THRB: variants seen among roughly 807,000 people sequenced by gnomAD.
THRB encodes the protein thyroid hormone receptor beta.
In THRB, 12 loss-of-function variants were observed where a neutral mutation model predicts 47.8. The observed-to-expected ratio is 0.25, with a 90% CI of 0.16 to 0.41. The LOEUF (loss-of-function observed/expected upper bound fraction) is 0.41. Among genes scored for constraint, THRB ranks in the 10% least tolerant of loss-of-function variants. THRB has a pLI of 1.00. For missense variants in THRB, 348 were observed against 589.2 expected, an observed-to-expected ratio of 0.59 and a Z score of 4.24; for synonymous variants, 218 against 212.2, an observed-to-expected ratio of 1.03 and a Z score of -0.24.
At chr3:24,323,497 A>AT (rs1351638344) in intron 2 of THRB, among the ~76,000 whole-genome samples, 2 of 152,216 alleles carry the variant, frequency 1.3e-5, no homozygotes, top group Non-Finnish European at 2.9e-5. Context: ...TAAAGTACAG[A>AT]TTCTGATTCA....
intron 1 of THRB, among the ~76,000 whole-genome samples, chr3:24,374,394 GT>G (rs1393839930): frequency 6.6e-6 from 1 of 152,020 alleles, no homozygotes; most frequent in Non-Finnish European, 1.5e-5. Flanking sequence ...GTCTATTACT[GT>G]TATGGTTTAA....
intron 4 of THRB, among the ~76,000 whole-genome samples, chr3:24,219,664 A>AT (rs1184127733): frequency 2.6e-5 from 4 of 152,300 alleles, no homozygotes; most frequent in East Asian, 3.9e-4. Context: ...AATATTTTAG[A>AT]TTTTTTTGTA....
At position 24,133,307 on chromosome 3, in the gene THRB, C is replaced by T; in HGVS notation, c.885+9G>A. 1 of 1,613,918 alleles carries T rather than the reference C, an allele frequency of 6.2e-7. No homozygotes were observed. Among genetic ancestry groups the T allele is most frequent in the South Asian group, 1.1e-5 (1 of 91,070 alleles). On this transcript the variant is annotated intron_variant, in intron 9 of 10. Transcript: ENST00000646209. ...AAGAATAATGCAGAAGGAAAAACAA[C>T]ATCCTCACCTCACAAAACATAGGCA...
chr3:24,309,852 T>A (rs59989414), intron 2 of THRB, among the ~76,000 whole-genome samples: 11,257 of 152,210 alleles, frequency 0.074, 419 homozygotes, highest in Non-Finnish European at 0.081. Context: ...ATACGTAGGA[T>A]GTATACCACT....
In THRB at chr3:24,438,536, T is replaced by TGTGTGTGTGC. The variant is rs966247174; in HGVS notation, c.-261+56115_-261+56116insGCACACACAC. Among the ~76,000 whole-genome samples the TGTGTGTGTGC allele has an allele frequency of 3.1e-3, 461 of 151,058 alleles. 3 individuals are homozygous for TGTGTGTGTGC. Among genetic ancestry groups the TGTGTGTGTGC allele is most frequent in the Non-Finnish European group, 4.9e-3 (331 of 67,626 alleles). On this transcript the variant is annotated intron_variant, in intron 1 of 10. Transcript: ENST00000646209. ...GTGTGTGTGTGTGTGTGTGTGTGTG[T>TGTGTGTGTGC]GCACATGCATTCTTTCTTTAAAGAA...
intron 3 of THRB, among the ~76,000 whole-genome samples, chr3:24,279,585 C>T (rs1208833219): frequency 1.4e-5 from 2 of 147,762 alleles, no homozygotes; most frequent in East Asian, 2.0e-4. Flanking sequence ...TTAGTAGAGA[C>T]GGGGTTTCAC....
At chr3:24,243,720 CTGT>C (rs2049821742) in intron 3 of THRB, among the ~76,000 whole-genome samples, 2 of 152,120 alleles carry the variant, frequency 1.3e-5, no homozygotes, top group Admixed American at 6.5e-5. Context: ...TTTGCTGCTG[CTGT>C]TGTTGACTGT....
chr3:24,275,045 C>G lies in THRB; in HGVS notation c.-43+22181G>C, dbSNP rs1311344866. ...AGAAAAATGAGAAAGAGCAAAGAAG[C>G]AAGTAAGCTTAGTTCTTGATTTACA... On this transcript the variant is annotated intron_variant, in intron 3 of 10. Transcript: ENST00000646209. Among the ~76,000 whole-genome samples, 4 of 152,206 alleles carry G rather than the reference C, an allele frequency of 2.6e-5. No individual in the cohort carries two copies. In the East Asian group the frequency reaches 7.7e-4, roughly 29 times the overall value.
At chr3:24,462,640 A>T (rs554317626) in intron 1 of THRB, among the ~76,000 whole-genome samples, 1 of 152,360 alleles carries the variant, frequency 6.6e-6, no homozygotes, top group East Asian at 1.9e-4. Context: ...GGCTCTGTGT[A>T]TAAAATGAAT....
chr3:24,362,729 C>T (rs2064162273), intron 1 of THRB, among the ~76,000 whole-genome samples: 1 of 152,160 alleles, frequency 6.6e-6, no homozygotes, highest in Admixed American at 6.5e-5. Flanking sequence ...TCACAACAAC[C>T]ATAAGAGATA....
At chr3:24,492,990 A>T (rs1205849495) in intron 1 of THRB, among the ~76,000 whole-genome samples, 1 of 152,236 alleles carries the variant, frequency 6.6e-6, no homozygotes, top group African/African-American at 2.4e-5. Flanking sequence ...CTCTGAGATC[A>T]GGTAAAAATA....
chr3:24,164,979 AAAAC>A (rs753914552), intron 5 of THRB: 1 of 685,908 alleles, frequency 1.5e-6, no homozygotes, highest in Non-Finnish European at 2.6e-6. Flanking sequence ...AAATGAAACG[AAAAC>A]AAACAGTGAA....
At chr3:24,403,629 G>A (rs1036634817) in intron 1 of THRB, among the ~76,000 whole-genome samples, 10 of 151,888 alleles carry the variant, frequency 6.6e-5, no homozygotes, top group African/African-American at 7.3e-5. Flanking sequence ...TATATGTCTC[G>A]CACCATACAA....
intron 2 of THRB, among the ~76,000 whole-genome samples, chr3:24,301,603 A>G (rs1425301318): frequency 6.6e-6 from 1 of 152,098 alleles, no homozygotes; most frequent in Non-Finnish European, 1.5e-5. Context: ...TTAGCTCTGT[A>G]TTGATTATAA....
intron 1 of THRB, among the ~76,000 whole-genome samples, chr3:24,372,905 A>G (rs932784121): frequency 6.6e-6 from 1 of 152,140 alleles, no homozygotes; most frequent in South Asian, 2.1e-4. Flanking sequence ...TAGAATATCA[A>G]AAGAGAGAAT....
chr3:24,127,904 C>T (rs1195201712), intron 9 of THRB, 147 bp from the exon 10 acceptor site: 1 of 952,862 alleles, frequency 1.0e-6, no homozygotes, highest in Non-Finnish European at 1.6e-6. Flanking sequence ...CCCTTCCCTA[C>T]TTGGCTGCAG....
chr3:24,273,138 A>C (rs1177403408), intron 3 of THRB, among the ~76,000 whole-genome samples: 3 of 152,124 alleles, frequency 2.0e-5, no homozygotes, highest in African/African-American at 4.8e-5. Flanking sequence ...AAACACACAC[A>C]CACACACACC....
chr3:24,289,932 T>C (rs79056550), intron 3 of THRB, among the ~76,000 whole-genome samples: 3,178 of 152,240 alleles, frequency 0.021, 110 homozygotes, highest in African/African-American at 0.073. Flanking sequence ...AGCAAAGGCC[T>C]CCAGTGTCTT....
At chr3:24,486,448 A>T (rs2125920456) in intron 1 of THRB, 1 of 152,312 alleles carries the variant, frequency 6.6e-6, no homozygotes, top group Non-Finnish European at 1.5e-5. Context: ...TGACCAACGG[A>T]CAGACTCCAG....
Sources: gnomAD v4.1 joint callset for allele counts (sites outside exome capture counted in the v4.1 genomes callset) on GRCh38, gnomAD v4.1.1 for gene constraint, MANE v1.5 for transcripts, NCBI Gene and HGNC (gene_info 2026-07-23, HGNC 2026-07-21) for gene names.